Variants in CADM2 observed in about 807,000 individuals in gnomAD.
CADM2 encodes the protein immunoglobulin superfamily member 4D.
In CADM2, 12 loss-of-function variants were observed where a neutral mutation model predicts 49.8. The observed-to-expected ratio is 0.24, with a 90% CI of 0.15 to 0.39. CADM2 has a LOEUF of 0.39. Ranked by LOEUF, CADM2 falls within the 10% of genes least tolerant of loss-of-function variation. The pLI, the probability that CADM2 is intolerant of heterozygous loss-of-function variation, is 1.00. For missense variants in CADM2, 378 were observed against 492.3 expected, an observed-to-expected ratio of 0.77 and a Z score of 2.20; for synonymous variants, 214 against 175.4, an observed-to-expected ratio of 1.22 and a Z score of -1.74.
intron 1 of CADM2, among the ~76,000 whole-genome samples, chr3:85,171,515 T>C (rs2040626058): frequency 6.6e-6 from 1 of 152,218 alleles, no homozygotes; most frequent in Admixed American, 6.5e-5. Context: ...TTACTCCTTA[T>C]AATTTTCCAC....
intron 1 of CADM2, among the ~76,000 whole-genome samples, chr3:84,973,872 G>A: frequency 6.6e-6 from 1 of 152,130 alleles, no homozygotes; most frequent in South Asian, 2.1e-4. Flanking sequence ...CTTTTTGAAA[G>A]TGTCAGTTAA....
At chr3:85,532,363 T>G (rs1413829636) in intron 1 of CADM2, among the ~76,000 whole-genome samples, 3 of 152,236 alleles carry the variant, frequency 2.0e-5, no homozygotes, top group Non-Finnish European at 4.4e-5. Flanking sequence ...GTATGACATT[T>G]CTGTCCCCTG....
At chr3:85,694,778 T>C (rs1410836446) in intron 1 of CADM2, among the ~76,000 whole-genome samples, 3 of 152,190 alleles carry the variant, frequency 2.0e-5, no homozygotes, top group South Asian at 2.1e-4. Flanking sequence ...ATCGTTTCCA[T>C]AGTTATTTCA....
At chr3:85,529,497 AC>A (rs1421277069) in intron 1 of CADM2, among the ~76,000 whole-genome samples, 4 of 152,170 alleles carry the variant, frequency 2.6e-5, no homozygotes, top group Non-Finnish European at 5.9e-5. Flanking sequence ...CTTTTAGTAT[AC>A]TCACTATATG....
chr3:86,058,596 G>A (rs928916652), intron 8 of CADM2, among the ~76,000 whole-genome samples: 6 of 151,776 alleles, frequency 4.0e-5, no homozygotes, highest in African/African-American at 1.2e-4. Flanking sequence ...TGAGTTTTCT[G>A]TTAATCAAAA....
rs58210541 is a variant in CADM2, at chr3:85,125,063, T to G, written c.61+165395T>G. ...AGTCAGGAAGAAGCCTGTCTAAAAT[T>G]TAATCAGCAGAGGGAAACATTAAGG... On this transcript the variant is annotated intron_variant, in intron 1 of 9. Transcript: ENST00000383699. 6.1e-3 allele frequency among the ~76,000 whole-genome samples: 926 copies of G among 152,276 alleles called. 14 individuals carry two copies. Among genetic ancestry groups the G allele is most frequent in the African/African-American group, 0.021 (861 of 41,560 alleles).
intron 1 of CADM2, among the ~76,000 whole-genome samples, chr3:84,991,484 A>G (rs550876065): frequency 2.6e-5 from 4 of 152,176 alleles, no homozygotes; most frequent in Non-Finnish European, 5.9e-5. Context: ...GATAAACAAA[A>G]TCAATAACAA....
At chr3:85,560,830 A>T (rs75403502) in intron 1 of CADM2, among the ~76,000 whole-genome samples, 6,518 of 152,306 alleles carry the variant, frequency 0.043, 472 homozygotes, top group African/African-American at 0.15. Flanking sequence ...CAGGAAAAAA[A>T]GTAGAACAGT....
intron 1 of CADM2, among the ~76,000 whole-genome samples, chr3:85,421,419 T>C (rs2036165108): frequency 6.6e-6 from 1 of 152,186 alleles, no homozygotes. Context: ...TCAAATTAAT[T>C]ATTTAACGTG....
At chr3:85,275,544 T>A (rs770563770) in intron 1 of CADM2, among the ~76,000 whole-genome samples, 6 of 151,336 alleles carry the variant, frequency 4.0e-5, no homozygotes, top group Non-Finnish European at 7.4e-5. Flanking sequence ...TTAATAAAAA[T>A]ATAAAATCTT....
chr3:85,839,482 AT>A (rs11303748), intron 3 of CADM2, among the ~76,000 whole-genome samples: 30,415 of 151,318 alleles, frequency 0.2, 3,199 homozygotes, highest in Admixed American at 0.22. Context: ...ATTCTTTGCC[AT>A]TTTTTTTGGT....
intron 3 of CADM2, among the ~76,000 whole-genome samples, chr3:85,822,135 C>T (rs1200338817): frequency 1.3e-5 from 2 of 152,118 alleles, no homozygotes; most frequent in Non-Finnish European, 2.9e-5. Context: ...TTGGTTACAG[C>T]ATTTCTTGCT....
intron 8 of CADM2, among the ~76,000 whole-genome samples, chr3:85,963,032 T>A (rs976392442): frequency 3.3e-5 from 5 of 151,962 alleles, no homozygotes; most frequent in Non-Finnish European, 5.9e-5. Flanking sequence ...GAAATTAATC[T>A]AACAAGTGTT....
intron 1 of CADM2, among the ~76,000 whole-genome samples, chr3:85,585,217 A>G (rs1160963266): frequency 1.3e-5 from 2 of 151,866 alleles, no homozygotes; most frequent in East Asian, 3.9e-4. Context: ...TTGTTATCAG[A>G]TCAACTGTGG....
chr3:85,431,254 C>T (rs1433904510), intron 1 of CADM2, among the ~76,000 whole-genome samples: 1 of 152,038 alleles, frequency 6.6e-6, no homozygotes, highest in African/African-American at 2.4e-5. Flanking sequence ...AGGATGTTTG[C>T]ACAATCTCAG....
intron 8 of CADM2, among the ~76,000 whole-genome samples, chr3:86,043,125 A>G (rs1448639051): frequency 6.6e-6 from 1 of 152,206 alleles, no homozygotes; most frequent in Non-Finnish European, 1.5e-5. Context: ...CCAATATCGT[A>G]CTGAATGGGC....
intron 3 of CADM2, among the ~76,000 whole-genome samples, chr3:85,833,830 A>C (rs543144457): frequency 6.6e-6 from 1 of 151,406 alleles, no homozygotes; most frequent in Admixed American, 6.6e-5. Flanking sequence ...CTTTCTCAAA[A>C]TTTTTTGGCT....
chr3:85,309,696 A>C (rs553288458), intron 1 of CADM2, among the ~76,000 whole-genome samples: 16 of 152,332 alleles, frequency 1.1e-4, no homozygotes, highest in African/African-American at 3.8e-4. Flanking sequence ...CAACTGAGTC[A>C]ATTGAAATTC....
At chr3:85,442,609 T>C (rs2037261057) in intron 1 of CADM2, among the ~76,000 whole-genome samples, 1 of 30,616 alleles carries the variant, frequency 3.3e-5, no homozygotes, top group Admixed American at 6.6e-4. Flanking sequence ...TATATATATA[T>C]ATATATATAT....
Sources: allele counts gnomAD v4.1 joint callset (sites outside exome capture counted in the v4.1 genomes callset), GRCh38; gene constraint gnomAD v4.1.1; transcripts MANE v1.5; gene names NCBI Gene and HGNC (gene_info 2026-07-23, HGNC 2026-07-21).